Variants in CDH12 observed in about 807,000 individuals in gnomAD.
CDH12 encodes cadherin-12.
CDH12 carries 41 observed loss-of-function variants against 74.1 expected under a neutral mutation model. The ratio of observed to expected loss-of-function variants is 0.55; its 90% confidence interval spans 0.43 to 0.72. The LOEUF is 0.72. CDH12 is among the 30% of genes least tolerant of loss of function. CDH12 has a pLI of 0.00. For synonymous variants in CDH12, 399 were observed against 355.0 expected, an observed-to-expected ratio of 1.12 and a Z score of -1.39; for missense variants, 945 against 977.2, an observed-to-expected ratio of 0.97 and a Z score of 0.44.
chr5:22,285,078 A>G (rs1011138238), intron 3 of CDH12, among the ~76,000 whole-genome samples: 2 of 152,122 alleles, frequency 1.3e-5, no homozygotes, highest in African/African-American at 2.4e-5. Flanking sequence ...TATTTATCTT[A>G]CAAATTCATG....
chr5:22,750,894 A>T (rs1262243421), intron 1 of CDH12, among the ~76,000 whole-genome samples: 2 of 147,986 alleles, frequency 1.4e-5, no homozygotes, highest in African/African-American at 5.0e-5. Flanking sequence ...TTGAGTTGGT[A>T]TTTAATGTTA....
intron 8 of CDH12, among the ~76,000 whole-genome samples, chr5:21,823,763 GA>G (rs1002317289): frequency 2.7e-5 from 4 of 149,536 alleles, no homozygotes; most frequent in African/African-American, 9.8e-5. Flanking sequence ...CACAGAAAAA[GA>G]AAAAAAAATG....
intron 5 of CDH12, among the ~76,000 whole-genome samples, chr5:21,983,326 T>G (rs1757388477): frequency 6.6e-6 from 1 of 152,140 alleles, no homozygotes; most frequent in African/African-American, 2.4e-5. Context: ...ATTCATTATC[T>G]TCTAGAAACC....
At chr5:22,192,720 C>T (rs183918392) in intron 4 of CDH12, among the ~76,000 whole-genome samples, 86 of 152,194 alleles carry the variant, frequency 5.7e-4, no homozygotes, top group Admixed American at 2.7e-3. Flanking sequence ...GACCTCTTAT[C>T]CCAGAATAGA....
intron 2 of CDH12, among the ~76,000 whole-genome samples, chr5:22,458,041 C>A (rs1238570488): frequency 6.6e-6 from 1 of 151,768 alleles, no homozygotes; most frequent in Non-Finnish European, 1.5e-5. Flanking sequence ...CCGTGCCCGG[C>A]CCTAATTTTT....
At chr5:22,644,549 A>C (rs1390999289) in intron 1 of CDH12, among the ~76,000 whole-genome samples, 1 of 152,024 alleles carries the variant, frequency 6.6e-6, no homozygotes, top group Non-Finnish European at 1.5e-5. Flanking sequence ...AAGCTAGCAC[A>C]GGTTGGTTCA....
At chr5:22,013,367 C>T (rs1268737762) in intron 5 of CDH12, among the ~76,000 whole-genome samples, 1 of 152,160 alleles carries the variant, frequency 6.6e-6, no homozygotes, top group Non-Finnish European at 1.5e-5. Context: ...TTACCTCCAC[C>T]AGGTCCCTCC....
intron 3 of CDH12, among the ~76,000 whole-genome samples, chr5:22,297,134 G>C (rs1321189304): frequency 6.6e-6 from 1 of 151,914 alleles, no homozygotes; most frequent in Non-Finnish European, 1.5e-5. Flanking sequence ...CGATTCTCTT[G>C]CCTCAGCCTC....
intron 3 of CDH12, among the ~76,000 whole-genome samples, chr5:22,265,990 C>T (rs1273726452): frequency 2.0e-5 from 3 of 151,996 alleles, no homozygotes; most frequent in Non-Finnish European, 2.9e-5. Context: ...CATATTATTA[C>T]ATCTCCCATT....
intron 1 of CDH12, among the ~76,000 whole-genome samples, chr5:22,525,905 T>A (rs1737251166): frequency 6.6e-6 from 1 of 152,196 alleles, no homozygotes; most frequent in Non-Finnish European, 1.5e-5. Context: ...TACCAAATCA[T>A]GACCTAAATG....
At chr5:21,845,216 A>C (rs1240158427) in intron 7 of CDH12, among the ~76,000 whole-genome samples, 1 of 152,180 alleles carries the variant, frequency 6.6e-6, no homozygotes, top group Non-Finnish European at 1.5e-5. Flanking sequence ...ATATATGTAA[A>C]GATAGTGTTT....
chr5:22,327,426 C>CTG lies in CDH12; in HGVS notation c.-333+77830_-333+77831insCA, dbSNP rs1491202419. 6.2e-4 allele frequency among the ~76,000 whole-genome samples: 80 copies of CTG among 128,280 alleles called. 1 individual carries two copies. Among genetic ancestry groups the CTG allele is most frequent in the East Asian group, 2.5e-3 (10 of 4,008 alleles). The allele number at this position is 128,280 out of a possible 152,430, so 84.2% of individuals were successfully genotyped here. The stretch of plus-strand genomic sequence containing the variant: ...ACTGACCGGGAGATAAAATTTGTGC[C>CTG]TCTGTGTGTGTGTGTGTGTGTGTGT... On this transcript the variant is annotated intron_variant, in intron 3 of 14. Coordinates refer to ENST00000382254, the MANE Select transcript of CDH12 (RefSeq NM_004061.5).
intron 1 of CDH12, among the ~76,000 whole-genome samples, chr5:22,702,654 C>A (rs990746916): frequency 2.0e-5 from 3 of 151,936 alleles, no homozygotes; most frequent in Non-Finnish European, 2.9e-5. Context: ...CCCTCCAGCT[C>A]GGTCATGTCT....
intron 1 of CDH12, among the ~76,000 whole-genome samples, chr5:22,614,023 G>A (rs1737556897): frequency 6.6e-6 from 1 of 151,900 alleles, no homozygotes; most frequent in Non-Finnish European, 1.5e-5. Flanking sequence ...CACATATTTT[G>A]CTATGCACAT....
At chr5:22,244,515 AAAAAAAAAAAAAAAAAAAGAAG>A (rs1284525649) in intron 3 of CDH12, among the ~76,000 whole-genome samples, 13,835 of 74,854 alleles carry the variant, frequency 0.18, 2,773 homozygotes, top group South Asian at 0.29. Flanking sequence ...AAAAAAAAAA[AAAAAAAAAAAAAAAAAAAGAAG>A]AAGAAGAAGA....
intron 6 of CDH12, chr5:21,883,663 T>C: frequency 6.2e-7 from 1 of 1,612,056 alleles, no homozygotes; most frequent in African/African-American, 1.3e-5. Context: ...GCCATGCTCT[T>C]AAAAGGAAAA....
At chr5:22,205,615 AGAG>A (rs1488042468) in intron 4 of CDH12, among the ~76,000 whole-genome samples, 1 of 152,194 alleles carries the variant, frequency 6.6e-6, no homozygotes, top group Non-Finnish European at 1.5e-5. Context: ...TAAATAAAGA[AGAG>A]AGATGAAATC....
At chr5:22,820,869 C>T (rs1749662893) in intron 1 of CDH12, among the ~76,000 whole-genome samples, 1 of 152,124 alleles carries the variant, frequency 6.6e-6, no homozygotes, top group Non-Finnish European at 1.5e-5. Flanking sequence ...AGGGAATCCT[C>T]CCTAACTCAT....
intron 1 of CDH12, among the ~76,000 whole-genome samples, chr5:22,784,721 A>T (rs1412662308): frequency 2.0e-5 from 3 of 152,148 alleles, no homozygotes; most frequent in Non-Finnish European, 4.4e-5. Context: ...TCCTGCTTGC[A>T]AAAAGAGTAT....
Sources: gnomAD v4.1 joint callset for allele counts (sites outside exome capture counted in the v4.1 genomes callset) on GRCh38, gnomAD v4.1.1 for gene constraint, MANE v1.5 for transcripts, NCBI Gene and HGNC (gene_info 2026-07-23, HGNC 2026-07-21) for gene names.